Variants in EPB41L4B observed in about 807,000 individuals in gnomAD.
EPB41L4B encodes the protein band 4.1-like protein 4B.
Under a neutral mutation model 112.5 loss-of-function variants are expected in EPB41L4B, and 30 were observed. The observed-to-expected ratio is 0.27, with a 90% CI of 0.20 to 0.36. EPB41L4B has a LOEUF of 0.36. Among genes scored for constraint, EPB41L4B ranks in the 10% least tolerant of loss-of-function variants. The pLI is 1.00. For synonymous variants in EPB41L4B, 408 were observed against 439.7 expected, an observed-to-expected ratio of 0.93 and a Z score of 0.90; for missense variants, 1,024 against 1,133.3, an observed-to-expected ratio of 0.90 and a Z score of 1.38.
At chr9:109,281,717 TAAATA>T (rs1564317211) in intron 1 of EPB41L4B, among the ~76,000 whole-genome samples, 1,583 of 132,216 alleles carry the variant, frequency 0.012, 29 homozygotes, top group East Asian at 0.057. Flanking sequence ...AATAAATAAA[TAAATA>T]AATTAATTAA....
At chr9:109,199,486 T>C (rs975743079) in intron 20 of EPB41L4B, among the ~76,000 whole-genome samples, 16 of 152,080 alleles carry the variant, frequency 1.1e-4, no homozygotes, top group Admixed American at 9.8e-4. Context: ...CTGGCCAACA[T>C]GGTGAAACCC....
chr9:109,211,043 G>A (rs908016170), intron 17 of EPB41L4B, among the ~76,000 whole-genome samples: 2 of 152,148 alleles, frequency 1.3e-5, no homozygotes, highest in African/African-American at 4.8e-5. Context: ...AAAATCTGAT[G>A]AGAATTAAAT....
rs398113783 is a variant in EPB41L4B, at chr9:109,226,630, G to GTATT, written c.1410-9486_1410-9485insAATA. ...TTCATATATATATATATATATATAT[G>GTATT]AAGAATATATATATATATGAAGAAT... is the stretch of plus-strand genomic sequence containing the variant. On this transcript the variant is annotated intron_variant, in intron 15 of 25. Transcript: ENST00000374566. 3.4e-5 allele frequency among the ~76,000 whole-genome samples: 4 copies of GTATT among 119,158 alleles called. No individual in the cohort carries two copies. The East Asian group carries it at 1.0e-3, about 30-fold the overall frequency. 78.2% of individuals were successfully genotyped at this position (119,158 alleles called of 152,430 possible). A position where few individuals can be genotyped will look rare whatever the true frequency, so the allele number is the denominator to read the frequency against.
At chr9:109,241,480 A>T in intron 15 of EPB41L4B, 1 of 1,382,616 alleles carries the variant, frequency 7.2e-7, no homozygotes, top group Non-Finnish European at 9.3e-7. Flanking sequence ...TGCAGTCAAC[A>T]GTAAATTATG....
chr9:109,263,235 T>C, intron 5 of EPB41L4B, 133 bp from the exon 6 acceptor site: 1 of 662,318 alleles, frequency 1.5e-6, no homozygotes, highest in Non-Finnish European at 2.6e-6. Context: ...ATTTTTGCTG[T>C]CTACATTAAA....
intron 25 of EPB41L4B, among the ~76,000 whole-genome samples, chr9:109,176,010 T>C (rs908436248): frequency 1.6e-5 from 2 of 127,212 alleles, no homozygotes; most frequent in African/African-American, 6.2e-5. Context: ...CCATTCACAA[T>C]TTCATTTTCC....
At chr9:109,192,405 A>G (rs759853953) in intron 21 of EPB41L4B, 50 bp from the exon 22 acceptor site, 1 of 1,432,190 alleles carries the variant, frequency 7.0e-7, no homozygotes, top group Non-Finnish European at 9.6e-7. Flanking sequence ...TGCATTGATG[A>G]TAAAGTTCAC....
chr9:109,282,978 G>C (rs552875024), intron 1 of EPB41L4B, among the ~76,000 whole-genome samples: 1 of 151,988 alleles, frequency 6.6e-6, no homozygotes, highest in South Asian at 2.1e-4. Flanking sequence ...CACCGCGCCC[G>C]GCCAAATGAT....
intron 1 of EPB41L4B, among the ~76,000 whole-genome samples, chr9:109,287,780 T>C (rs10816797): frequency 0.93 from 141,714 of 152,182 alleles, 66,146 homozygotes; most frequent in East Asian, 1. Context: ...ACCACAGGTG[T>C]ACTCCACTAT....
chr9:109,253,600 C>CAT (rs1554754767), intron 11 of EPB41L4B, 50 bp from the exon 12 acceptor site: 2 of 1,205,736 alleles, frequency 1.7e-6, no homozygotes, highest in Non-Finnish European at 2.5e-6. Flanking sequence ...AATCTCAGTA[C>CAT]ATTACCTGTT....
chr9:109,185,367 G>T, intron 23 of EPB41L4B, 122 bp downstream of exon 23: 1 of 790,664 alleles, frequency 1.3e-6, no homozygotes, highest in Non-Finnish European at 2.1e-6. Context: ...GAGGGCACCT[G>T]TCGATGGGCT....
intron 1 of EPB41L4B, among the ~76,000 whole-genome samples, chr9:109,298,846 A>G (rs1288340471): frequency 1.3e-5 from 2 of 152,184 alleles, no homozygotes; most frequent in Non-Finnish European, 2.9e-5. Context: ...CAGGGCTCCA[A>G]TGTCCCAGGT....
chr9:109,254,751 T>C (rs1157572455), intron 11 of EPB41L4B, among the ~76,000 whole-genome samples: 1 of 152,184 alleles, frequency 6.6e-6, no homozygotes, highest in African/African-American at 2.4e-5. Context: ...TTGAGAAAAA[T>C]GGTCTTAGGA....
At chr9:109,279,630 G>C (rs1027010878) in intron 2 of EPB41L4B, among the ~76,000 whole-genome samples, 187 bp downstream of exon 2, 1 of 152,148 alleles carries the variant, frequency 6.6e-6, no homozygotes, top group East Asian at 1.9e-4. Context: ...CCACCTCAAG[G>C]GTGAGGCATC....
At chr9:109,184,246 G>T (rs1287722503) in intron 23 of EPB41L4B, among the ~76,000 whole-genome samples, 2 of 152,218 alleles carry the variant, frequency 1.3e-5, no homozygotes, top group Non-Finnish European at 1.5e-5. Context: ...TTGAGACGGA[G>T]TCTCACTCTG....
At chr9:109,189,699 G>T (rs1006513638) in intron 22 of EPB41L4B, among the ~76,000 whole-genome samples, 7 of 152,098 alleles carry the variant, frequency 4.6e-5, no homozygotes, top group Admixed American at 2.0e-4. Flanking sequence ...CGCGATCTCG[G>T]CTCACTGCAA....
chr9:109,238,505 G>A (rs1050992442), intron 15 of EPB41L4B, among the ~76,000 whole-genome samples: 2 of 152,184 alleles, frequency 1.3e-5, no homozygotes, highest in African/African-American at 4.8e-5. Context: ...TCCATTTGCT[G>A]AGCAGACATT....
intron 7 of EPB41L4B, among the ~76,000 whole-genome samples, chr9:109,256,803 G>A (rs949560194): frequency 3.3e-5 from 5 of 152,218 alleles, no homozygotes; most frequent in Non-Finnish European, 5.9e-5. Flanking sequence ...TTCGCTGGGC[G>A]TGGTGGCACA....
intron 13 of EPB41L4B, among the ~76,000 whole-genome samples, chr9:109,248,353 C>T (rs1307247857): frequency 1.3e-5 from 2 of 152,196 alleles, no homozygotes; most frequent in African/African-American, 4.8e-5. Context: ...GGGAACTTCA[C>T]ATCTGTTATT....
Sources: allele counts gnomAD v4.1 joint callset (sites outside exome capture counted in the v4.1 genomes callset), GRCh38; gene constraint gnomAD v4.1.1; transcripts MANE v1.5; gene names NCBI Gene and HGNC (gene_info 2026-07-23, HGNC 2026-07-21).